PDCD11: variants seen among roughly 807,000 people sequenced by gnomAD.
PDCD11 encodes the protein programmed cell death 11.
Under a neutral mutation model 198.9 loss-of-function variants are expected in PDCD11, and 97 were observed. That is an observed-to-expected ratio of 0.49 (90% CI 0.41 to 0.58). The LOEUF (loss-of-function observed/expected upper bound fraction) is 0.58, where lower values mean the gene tolerates loss of function less well. PDCD11 is among the 20% of genes least tolerant of loss of function. PDCD11 has a pLI of 0.00. For missense variants in PDCD11, 2,102 were observed against 2,312.7 expected (o/e 0.91, Z 1.87); for synonymous variants, 893 against 918.0 (o/e 0.97, Z 0.49).
intron 7 of PDCD11, among the ~76,000 whole-genome samples, chr10:103,407,129 C>G (rs183046077): frequency 1.3e-5 from 2 of 152,108 alleles, no homozygotes; most frequent in Admixed American, 1.3e-4. Context: ...AAGAACTTAT[C>G]CGTCATAACC....
At chr10:103,425,607 A>G (rs1295890175) in intron 20 of PDCD11, 82 bp downstream of exon 20, 1 of 1,217,430 alleles carries the variant, frequency 8.2e-7, no homozygotes, top group African/African-American at 1.5e-5. Context: ...TGGGCTCCAA[A>G]AAGTTGCATG....
Position 103,419,563 on chromosome 10 carries a change from T to G in PDCD11, c.2132T>G (p.Val711Gly), listed in dbSNP as rs774355951. 29 of 1,613,676 alleles carry G rather than the reference T, an allele frequency of 1.8e-5. No homozygotes were observed. Among genetic ancestry groups the G allele is most frequent in the Non-Finnish European group, 2.2e-5 (26 of 1,179,884 alleles). Residue 711 changes from valine to glycine, a missense_variant, in exon 16 of 36, where the codon GTC (valine) becomes GGC (glycine). By Grantham distance (109) the Val-to-Gly change is moderately radical. Coordinates refer to ENST00000369797, the MANE Select transcript of PDCD11 (RefSeq NM_014976.2). ...RVLLCRKPAL[V>G]STVEGGQDPK... ...CTTCTTTGCAGGAAGCCAGCCTTGG[T>G]CTCCACAGTAGAAGGTGGCCAGGAT... is the stretch of plus-strand genomic sequence containing the variant.
chr10:103,443,026 C>G (rs1191975749), intron 32 of PDCD11, 139 bp from the exon 33 acceptor site: 4 of 654,738 alleles, frequency 6.1e-6, no homozygotes, highest in Non-Finnish European at 9.9e-6. Flanking sequence ...GACACAGCCT[C>G]TTAGGGTCTA....
intron 3 of PDCD11, among the ~76,000 whole-genome samples, 196 bp from the exon 4 acceptor site, chr10:103,402,922 C>T (rs899229591): frequency 2.0e-5 from 3 of 151,506 alleles, no homozygotes; most frequent in Non-Finnish European, 2.9e-5. Flanking sequence ...GGAGAAACTA[C>T]GTTGCCCAGG....
intron 17 of PDCD11, 41 bp downstream of exon 17, chr10:103,421,608 G>A: frequency 6.9e-7 from 1 of 1,444,780 alleles, no homozygotes; most frequent in East Asian, 2.5e-5. Context: ...CCAGGGGTGG[G>A]AGTATGTGTT....
chr10:103,415,554 T>A (rs2031060219), intron 12 of PDCD11, among the ~76,000 whole-genome samples: 1 of 152,240 alleles, frequency 6.6e-6, no homozygotes, highest in African/African-American at 2.4e-5. Context: ...ATTATTTCAT[T>A]TAATCCTTGA....
intron 9 of PDCD11, 47 bp from the exon 10 acceptor site, chr10:103,413,919 C>G (rs746357852): frequency 1.3e-6 from 2 of 1,553,578 alleles, no homozygotes; most frequent in Non-Finnish European, 1.7e-6. Context: ...CTCATTGGCT[C>G]AGACCTGTTG....
intron 8 of PDCD11, among the ~76,000 whole-genome samples, chr10:103,410,784 A>T (rs1034103392): frequency 2.6e-5 from 4 of 151,414 alleles, no homozygotes; most frequent in Admixed American, 1.3e-4. Context: ...GTTAAAAAAA[A>T]TTTTTTTTAG....
Position 103,416,694 on chromosome 10 carries a change from C to T in PDCD11, c.1722C>T (p.Leu574=). 2 of 1,614,232 alleles carry T rather than the reference C, an allele frequency of 1.2e-6. No homozygotes were observed. The highest frequency in any genetic ancestry group is 1.7e-6 in the Non-Finnish European group (2 of 1,180,040). The change falls in exon 13 of 36, where the codon CTC becomes CTT. Residue 574 remains leucine, a synonymous_variant. Transcript: ENST00000369797. Reference sequence around the variant, plus strand: ...AGGGACTGGTGCCCAAGCATGAGCTCAGTACTGAGTATATCCCTGACCCGG... The same window carrying T: ...AGGGACTGGTGCCCAAGCATGAGCTTAGTACTGAGTATATCCCTGACCCGG... ...NVQGLVPKHE[L]STEYIPDPER...
At chr10:103,430,415 G>A (rs1358974927) in intron 21 of PDCD11, among the ~76,000 whole-genome samples, 1 of 152,220 alleles carries the variant, frequency 6.6e-6, no homozygotes, top group African/African-American at 2.4e-5. Flanking sequence ...GAATAGTGCT[G>A]CATTGAACAT....
At chr10:103,430,475 A>G (rs545120118) in intron 21 of PDCD11, among the ~76,000 whole-genome samples, 15 of 152,182 alleles carry the variant, frequency 9.9e-5, no homozygotes, top group Non-Finnish European at 2.2e-4. Flanking sequence ...TTTTGAGTAT[A>G]TACCTATAAG....
chr10:103,435,432 TTTTTG>T (rs1299040590), intron 25 of PDCD11, among the ~76,000 whole-genome samples: 15 of 152,284 alleles, frequency 9.9e-5, no homozygotes, highest in Non-Finnish European at 1.8e-4. Context: ...ATATTTGGGT[TTTTTG>T]TTTTTTTTTA....
chr10:103,437,988 G>A (rs745955536), intron 25 of PDCD11, 27 bp from the exon 26 acceptor site: 13 of 1,604,860 alleles, frequency 8.1e-6, no homozygotes, highest in East Asian at 6.7e-5. Context: ...AAAATTGAGC[G>A]TTTCCTTCTC....
chr10:103,427,240 G>A (rs1016513408), intron 20 of PDCD11, 89 bp from the exon 21 acceptor site: 1 of 1,177,050 alleles, frequency 8.5e-7, no homozygotes, highest in Non-Finnish European at 1.3e-6. Flanking sequence ...TGTGAGCTTG[G>A]TTTGGTGGAG....
At chr10:103,406,517 C>T (rs2030458848) in intron 6 of PDCD11, 92 bp from the exon 7 acceptor site, 1 of 1,134,962 alleles carries the variant, frequency 8.8e-7, no homozygotes, top group African/African-American at 1.5e-5. Context: ...GGCAGGTAGG[C>T]CATGGGTCTT....
chr10:103,421,691 G>A (rs966436443), intron 17 of PDCD11, 124 bp downstream of exon 17: 29 of 724,630 alleles, frequency 4.0e-5, no homozygotes, highest in South Asian at 1.1e-4. Flanking sequence ...GGGGCCGGGC[G>A]CGGTGGCTCA....
chr10:103,398,392 C>T (rs1258399476), intron 1 of PDCD11, 24 bp from the exon 2 acceptor site: 2 of 1,375,556 alleles, frequency 1.5e-6, no homozygotes, highest in Non-Finnish European at 2.1e-6. Context: ...AACATGTCAC[C>T]ATTATCCTTT....
chr10:103,423,129 A>G lies in PDCD11; in HGVS notation c.2639A>G (p.His880Arg). The G allele has an allele frequency of 6.3e-7, 1 of 1,579,562 alleles. No individual in the cohort carries two copies. Among genetic ancestry groups the G allele is most frequent in the Non-Finnish European group, 8.6e-7 (1 of 1,164,232 alleles). ...PDLVLKASRY[H>R]RAGQEVESGQ... ...CTGGTCCTGAAAGCCAGCAGATACCATCGCGCAGGTGAGTGCTTCTGTCTT... is the reference window on the plus strand; with the variant it reads ...CTGGTCCTGAAAGCCAGCAGATACCGTCGCGCAGGTGAGTGCTTCTGTCTT... The change falls in exon 18 of 36, where the codon CAT becomes CGT. Residue 880 changes from histidine (H) to arginine (R), a missense_variant. His to Arg is a conservative substitution (Grantham distance 29). Transcript: ENST00000369797.
intron 8 of PDCD11, among the ~76,000 whole-genome samples, chr10:103,411,024 G>A (rs894232662): frequency 6.6e-6 from 1 of 151,224 alleles, no homozygotes; most frequent in Non-Finnish European, 1.5e-5. Flanking sequence ...GCAGTGAGCC[G>A]AGATTGTGCC....
Sources: allele counts gnomAD v4.1 joint callset (sites outside exome capture counted in the v4.1 genomes callset), GRCh38; gene constraint gnomAD v4.1.1; transcripts MANE v1.5; gene names NCBI Gene and HGNC (gene_info 2026-07-23, HGNC 2026-07-21).